Variants in NCOA2 observed in about 807,000 individuals in gnomAD.
The protein encoded by NCOA2 is class E basic helix-loop-helix protein 75.
NCOA2 carries 21 observed loss-of-function variants against 145.1 expected under a neutral mutation model. The ratio of observed to expected loss-of-function variants is 0.14; its 90% CI spans 0.10 to 0.21. The LOEUF (loss-of-function observed/expected upper bound fraction) is 0.21. Ranked by LOEUF, NCOA2 falls within the 10% of genes least tolerant of loss-of-function variation. The pLI is 1.00. For missense variants in NCOA2, 1,472 were observed against 1,837.6 expected (o/e 0.80, Z 3.64); for synonymous variants, 619 against 637.5 (o/e 0.97, Z 0.44).
intron 4 of NCOA2, among the ~76,000 whole-genome samples, chr8:70,203,190 G>C (rs1440702037): frequency 6.6e-6 from 1 of 151,152 alleles, no homozygotes; most frequent in African/African-American, 2.4e-5. Context: ...TTGAACCTGG[G>C]AGGCAGAGGT....
chr8:70,133,200 C>CTTTTTTTTTTTTTTTTTTTTTTT (rs57813061), intron 15 of NCOA2, among the ~76,000 whole-genome samples: 18 of 106,970 alleles, frequency 1.7e-4, no homozygotes, highest in African/African-American at 7.2e-4. Context: ...CTGGCTGCTA[C>CTTTTTTTTTTTTTTTTTTTTTTT]TTTTTTTTTT....
At chr8:70,144,036 C>G (rs951365249) in intron 13 of NCOA2, among the ~76,000 whole-genome samples, 3 of 152,206 alleles carry the variant, frequency 2.0e-5, no homozygotes, top group African/African-American at 7.2e-5. Context: ...TGACTACTAC[C>G]TAGGAAATGT....
chr8:70,417,894 C>T, the NCOA2 span, among the ~76,000 whole-genome samples: 2 of 152,062 alleles, frequency 1.3e-5, no homozygotes, highest in East Asian at 3.9e-4. Flanking sequence ...CATTAACTCC[C>T]TTCTTTGTCT....
intron 2 of NCOA2, among the ~76,000 whole-genome samples, chr8:70,287,669 CATA>C (rs961837690): frequency 7.2e-5 from 11 of 152,318 alleles, no homozygotes; most frequent in African/African-American, 2.2e-4. Flanking sequence ...CACGAAACAG[CATA>C]ATATCATTTC....
chr8:70,401,400 T>A (rs1214763125), intron 1 of NCOA2, among the ~76,000 whole-genome samples: 1 of 152,316 alleles, frequency 6.6e-6, no homozygotes, highest in South Asian at 2.1e-4. Flanking sequence ...GCAAACTACA[T>A]TTTACTCAGA....
intron 1 of NCOA2, among the ~76,000 whole-genome samples, chr8:70,401,090 CACACACACACAT>C (rs1381334072): frequency 2.0e-5 from 3 of 150,982 alleles, no homozygotes; most frequent in African/African-American, 7.4e-5. Flanking sequence ...AGAACAGGAA[CACACACACACAT>C]ACACACACAC....
At chr8:70,333,066 A>T (rs553060221) in intron 1 of NCOA2, among the ~76,000 whole-genome samples, 30 of 152,332 alleles carry the variant, frequency 2.0e-4, no homozygotes, top group African/African-American at 7.0e-4. Context: ...TGGCAAAGCA[A>T]GGATTCAAAC....
intron 2 of NCOA2, among the ~76,000 whole-genome samples, chr8:70,236,056 C>T (rs1000715638): frequency 6.6e-6 from 1 of 152,018 alleles, no homozygotes; most frequent in Non-Finnish European, 1.5e-5. Context: ...ATTTTTATTC[C>T]CCGCCCCCAA....
At chr8:70,214,117 A>G in intron 3 of NCOA2, 42 bp from the exon 4 acceptor site, 9 of 1,548,970 alleles carry the variant, frequency 5.8e-6, no homozygotes, top group Non-Finnish European at 7.8e-6. Context: ...TTTGAAAAAG[A>G]GCTATTGTGA....
intron 13 of NCOA2, among the ~76,000 whole-genome samples, chr8:70,143,490 T>G (rs757288327): frequency 3.3e-5 from 5 of 152,142 alleles, no homozygotes; most frequent in Non-Finnish European, 5.9e-5. Flanking sequence ...AAATTAATCT[T>G]TGTTTACTGA....
intron 2 of NCOA2, among the ~76,000 whole-genome samples, chr8:70,241,125 T>C (rs967678541): frequency 3.3e-5 from 5 of 152,196 alleles, no homozygotes; most frequent in Non-Finnish European, 7.4e-5. Flanking sequence ...CAAGGATCTT[T>C]ATTTGGATTC....
At chr8:70,369,810 C>G (rs1242610914) in intron 1 of NCOA2, among the ~76,000 whole-genome samples, 1 of 152,066 alleles carries the variant, frequency 6.6e-6, no homozygotes, top group African/African-American at 2.4e-5. Flanking sequence ...ATTATACCTT[C>G]TGTGCTTGCC....
chr8:70,268,098 G>A (rs1005315458), intron 2 of NCOA2, among the ~76,000 whole-genome samples: 2 of 152,152 alleles, frequency 1.3e-5, no homozygotes, highest in African/African-American at 4.8e-5. Flanking sequence ...AGAAGCAGCT[G>A]CTTTTAAAAT....
chr8:70,290,077 C>T lies in NCOA2; in HGVS notation c.-20+6667G>A, dbSNP rs115343913. On this transcript the variant is annotated intron_variant, in intron 2 of 22. Coordinates refer to ENST00000452400, the MANE Select transcript of NCOA2 (RefSeq NM_006540.4). ...AAGGCAAAATATAATGGTGCCTAGG[C>T]CTCAGCTAAATGCTACCCCTACGTA... Among the ~76,000 whole-genome samples, 1,486 of 151,544 alleles carry T rather than the reference C, an allele frequency of 9.8e-3. 33 individuals are homozygous for T. Among genetic ancestry groups the T allele is most frequent in the African/African-American group, 0.034 (1,411 of 41,236 alleles).
At chr8:70,154,402 T>C (rs1812069865) in intron 11 of NCOA2, among the ~76,000 whole-genome samples, 1 of 152,124 alleles carries the variant, frequency 6.6e-6, no homozygotes, top group Non-Finnish European at 1.5e-5. Context: ...TAATAACCCA[T>C]GTTTTCTTTA....
In NCOA2 at chr8:70,403,779, G is replaced by A. The variant is rs1286887947; in HGVS notation, c.-156C>T. 5.0e-6 allele frequency: 2 copies of A among 397,934 alleles called. No individual in the cohort carries two copies. The highest frequency in any genetic ancestry group is 8.9e-6 in the Non-Finnish European group (2 of 225,638). The allele number at this position is 397,934 out of a possible 1,614,324, so 24.7% of individuals were successfully genotyped here. A position where few individuals can be genotyped will look rare whatever the true frequency, so the allele number is the denominator to read the frequency against. On this transcript the variant is annotated 5_prime_UTR_variant, in exon 1 of 23. Coordinates refer to ENST00000452400, the MANE Select transcript of NCOA2 (RefSeq NM_006540.4). The stretch of plus-strand genomic sequence containing the variant: ...CCGCCGAAGCTGTAGCCGAGGCTGC[G>A]GCCGCCATGTTCCCGTGTTAATAAC...
In NCOA2 at chr8:70,149,415, A is replaced by ATT. The variant is rs780178075; in HGVS notation, c.2395-934_2395-933dup. ...ACCACCATGTCTGGCTAATTTTTTG[A>ATT]TTTTTTTTTTTTTTAGAGATGGGGG... On this transcript the variant is annotated intron_variant, in intron 11 of 22. Transcript: ENST00000452400. Among the ~76,000 whole-genome samples the ATT allele has an allele frequency of 5.1e-5, 7 of 137,430 alleles. No homozygotes were observed. In the East Asian group the frequency reaches 8.4e-4, roughly 16 times the overall value. The allele number at this position is 137,430 out of a possible 152,430, so 90.2% of individuals were successfully genotyped here.
chr8:70,140,484 G>A (rs1314439396), intron 14 of NCOA2, among the ~76,000 whole-genome samples: 1 of 151,618 alleles, frequency 6.6e-6, no homozygotes, highest in South Asian at 2.1e-4. Flanking sequence ...TGAGGGCCTG[G>A]GATAGTCTGA....
chr8:70,407,259 A>G (rs1268603809), upstream of NCOA2, among the ~76,000 whole-genome samples: 1 of 152,210 alleles, frequency 6.6e-6, no homozygotes, highest in East Asian at 1.9e-4. Flanking sequence ...CTCTCTTCTA[A>G]ATCCCTTAAA....
Sources: allele counts gnomAD v4.1 joint callset (sites outside exome capture counted in the v4.1 genomes callset), GRCh38; gene constraint gnomAD v4.1.1; transcripts MANE v1.5; gene names NCBI Gene and HGNC (gene_info 2026-07-23, HGNC 2026-07-21).